Variants in AGMO observed in about 807,000 individuals in gnomAD.
AGMO encodes the protein glyceryl-ether monooxygenase.
AGMO carries 75 observed loss-of-function variants against 60.2 expected under a neutral mutation model. The observed-to-expected ratio is 1.25, with a 90% CI of 1.03 to 1.51. The LOEUF is 1.51. AGMO is among the 40% of genes most tolerant of loss of function. AGMO has a pLI of 0.00. For synonymous variants in AGMO, 261 were observed against 177.1 expected (o/e 1.47, Z -3.76); for missense variants, 763 against 525.5 (o/e 1.45, Z -4.42).
intron 12 of AGMO, among the ~76,000 whole-genome samples, chr7:15,255,781 C>T (rs760026930): frequency 6.6e-6 from 1 of 152,078 alleles, no homozygotes; most frequent in Non-Finnish European, 1.5e-5. Context: ...TCTGTGGAGG[C>T]TTTTTTCTGT....
At chr7:15,128,845 G>A in the AGMO span, among the ~76,000 whole-genome samples, 1 of 152,102 alleles carries the variant, frequency 6.6e-6, no homozygotes, top group South Asian at 2.1e-4. Context: ...TGTTTATTAA[G>A]AGCTTGCTGT....
intron 12 of AGMO, among the ~76,000 whole-genome samples, chr7:15,272,317 C>T (rs375652853): frequency 3.3e-4 from 44 of 135,108 alleles, no homozygotes; most frequent in Middle Eastern, 4.1e-3. Flanking sequence ...GTGTGACACT[C>T]CCCTTCCCGT....
intron 5 of AGMO, among the ~76,000 whole-genome samples, chr7:15,404,209 G>T (rs1402199376): frequency 1.3e-5 from 2 of 151,876 alleles, no homozygotes; most frequent in African/African-American, 2.4e-5. Context: ...TGAAGAATGG[G>T]ACTAGGTTAT....
intron 10 of AGMO, among the ~76,000 whole-genome samples, chr7:15,367,548 A>G (rs1393486930): frequency 1.3e-5 from 2 of 152,110 alleles, no homozygotes; most frequent in African/African-American, 4.8e-5. Context: ...CTGAAACTCA[A>G]AATAGGCCTG....
the AGMO span, among the ~76,000 whole-genome samples, chr7:15,137,354 A>G: frequency 0.031 from 4,676 of 152,330 alleles, 87 homozygotes; most frequent in Non-Finnish European, 0.041. Flanking sequence ...TTCTTCAGTC[A>G]TGAAGATTTC....
chr7:15,362,418 A>C (rs934296957), intron 12 of AGMO, among the ~76,000 whole-genome samples: 1 of 152,140 alleles, frequency 6.6e-6, no homozygotes, highest in African/African-American at 2.4e-5. Flanking sequence ...TTTAATCATT[A>C]ATGGCTTGTG....
rs749203803 is a variant in AGMO at position 15,324,924 on chromosome 7, G to A, written c.1263+40590C>T. Among the ~76,000 whole-genome samples, 14 of 152,032 alleles carry A rather than the reference G, an allele frequency of 9.2e-5. 1 individual carries two copies. The highest frequency in any genetic ancestry group is 4.2e-4 in the South Asian group (2 of 4,816). ...TTCCTAATAGGCCACCAACCAGTCC[G>A]TGGTTGGGGAGTTGGGGACCCCAGC... On this transcript the variant is annotated intron_variant, in intron 12 of 12. Transcript: ENST00000342526.
intron 3 of AGMO, among the ~76,000 whole-genome samples, chr7:15,432,312 A>ATGTG (rs1353877807): frequency 2.1e-4 from 29 of 138,450 alleles, no homozygotes; most frequent in Admixed American, 4.5e-4. Flanking sequence ...GGTCATATAT[A>ATGTG]TGTGTGTGTA....
At chr7:15,402,257 TCCCA>T (rs375557314) in intron 5 of AGMO, among the ~76,000 whole-genome samples, 2 of 152,186 alleles carry the variant, frequency 1.3e-5, no homozygotes, top group African/African-American at 4.8e-5. Flanking sequence ...ACTTTTCTTC[TCCCA>T]CACCTCACTT....
chr7:15,369,195 A>C (rs1041826494), intron 10 of AGMO, among the ~76,000 whole-genome samples: 2 of 152,048 alleles, frequency 1.3e-5, no homozygotes, highest in African/African-American at 4.8e-5. Context: ...TGATCTCCCC[A>C]ACAATTGTTG....
At chr7:15,320,159 G>A in intron 12 of AGMO, among the ~76,000 whole-genome samples, 1 of 151,836 alleles carries the variant, frequency 6.6e-6, no homozygotes, top group African/African-American at 2.4e-5. Context: ...TATACCTAAT[G>A]TAAATGACGA....
chr7:15,386,825 T>C (rs1284959863), intron 9 of AGMO, among the ~76,000 whole-genome samples: 1 of 152,154 alleles, frequency 6.6e-6, no homozygotes, highest in Non-Finnish European at 1.5e-5. Context: ...GAAGAGTAAT[T>C]TTGGGTTAAA....
At chr7:15,264,434 T>C (rs1188513141) in intron 12 of AGMO, among the ~76,000 whole-genome samples, 1 of 152,022 alleles carries the variant, frequency 6.6e-6, no homozygotes, top group Non-Finnish European at 1.5e-5. Flanking sequence ...GATTAATTCA[T>C]CATTAAGTCT....
At chr7:15,237,336 G>A (rs1468471594) in intron 12 of AGMO, among the ~76,000 whole-genome samples, 3 of 152,144 alleles carry the variant, frequency 2.0e-5, no homozygotes, top group Admixed American at 2.0e-4. Context: ...GTAGCACAAA[G>A]GAAGGTAAGA....
chr7:15,269,544 T>C (rs545555346), intron 12 of AGMO, among the ~76,000 whole-genome samples: 1 of 151,834 alleles, frequency 6.6e-6, no homozygotes, highest in Non-Finnish European at 1.5e-5. Context: ...GAGATGGGGG[T>C]AGTTATTGAG....
At chr7:15,555,400 A>G (rs187645292) in intron 2 of AGMO, among the ~76,000 whole-genome samples, 4 of 151,378 alleles carry the variant, frequency 2.6e-5, no homozygotes, top group Admixed American at 2.6e-4. Context: ...TTACTTCAAA[A>G]TCTCTTCAAC....
chr7:15,213,623 G>C (rs1583296678), intron 12 of AGMO, among the ~76,000 whole-genome samples: 1 of 151,902 alleles, frequency 6.6e-6, no homozygotes, highest in East Asian at 1.9e-4. Context: ...TATGTATAGA[G>C]GATGGCAAAG....
intron 4 of AGMO, among the ~76,000 whole-genome samples, chr7:15,426,550 T>C (rs1183519728): frequency 1.3e-5 from 2 of 151,884 alleles, no homozygotes; most frequent in East Asian, 3.9e-4. Flanking sequence ...GCAGTTGAAG[T>C]CCAGCCTGGG....
At chr7:15,372,437 C>T (rs1396292306) in intron 10 of AGMO, among the ~76,000 whole-genome samples, 5 of 152,124 alleles carry the variant, frequency 3.3e-5, no homozygotes, top group Non-Finnish European at 2.9e-5. Flanking sequence ...GCCTGTGCGT[C>T]ACAGCGAGAC....
Sources: allele counts gnomAD v4.1 joint callset (sites outside exome capture counted in the v4.1 genomes callset), GRCh38; gene constraint gnomAD v4.1.1; transcripts MANE v1.5; gene names NCBI Gene and HGNC (gene_info 2026-07-23, HGNC 2026-07-21).